The following TNFRSF1B variants were observed in gnomAD, a reference collection of about 807,000 sequenced individuals.
TNFRSF1B encodes the protein tumor necrosis factor receptor superfamily member 1B.
A neutral mutation model predicts 44.6 loss-of-function variants in TNFRSF1B; 19 were observed. That is an observed-to-expected ratio of 0.43 (90% CI 0.30 to 0.62). The LOEUF (loss-of-function observed/expected upper bound fraction) is 0.62. Among genes scored for constraint, TNFRSF1B ranks in the 20% least tolerant of loss-of-function variants. The pLI is 0.16. For missense variants in TNFRSF1B, 541 were observed against 619.9 expected (o/e 0.87, Z 1.35); for synonymous variants, 252 against 261.1 (o/e 0.97, Z 0.34).
At position 12,193,973 on chromosome 1, in the gene TNFRSF1B, C is replaced by T. The variant is rs1293937312; in HGVS notation, c.806C>T (p.Thr269Ile). 1.2e-6 allele frequency: 2 copies of T among 1,613,998 alleles called. No homozygotes were observed. Among genetic ancestry groups the T allele is most frequent in the Non-Finnish European group, 1.7e-6 (2 of 1,179,910 alleles). Reference sequence around the variant, plus strand: ...TTTCTAGGACTGATTGTGGGTGTGACAGCCTTGGGTCTACTAATAATAGGA... The same window carrying T: ...TTTCTAGGACTGATTGTGGGTGTGATAGCCTTGGGTCTACTAATAATAGGA... ...ALPVGLIVGVTALGLLIIGVV... is the reference protein window; with the variant it reads ...ALPVGLIVGVIALGLLIIGVV... The change falls in exon 7 of 10, where the codon ACA becomes ATA. Residue 269 changes from threonine to isoleucine, a missense_variant. By Grantham distance (89) the Thr-to-Ile change is moderately conservative (BLOSUM62 -1). Coordinates refer to ENST00000376259, the MANE Select transcript of TNFRSF1B (RefSeq NM_001066.3).
rs1327463571 is a variant in TNFRSF1B, at chr1:12,177,010, T to G, written c.78+9841T>G. The stretch of plus-strand genomic sequence containing the variant: ...CCCTGAGCCCAATGGACCGATTCTG[T>G]TTTTTTTTTGAGATGGAGTCTTGCT... On this transcript the variant is annotated intron_variant, in intron 1 of 9. Transcript: ENST00000376259. This position sits in a 1 kb window ranked among gnomAD's most constrained non-coding sequence, Gnocchi z 4.3. 9.4e-5 allele frequency among the ~76,000 whole-genome samples: 14 copies of G among 148,852 alleles called. No individual in the cohort carries two copies. The highest frequency in any genetic ancestry group is 6.0e-4 in the Admixed American group (9 of 14,958).
intron 9 of TNFRSF1B, among the ~76,000 whole-genome samples, chr1:12,203,429 C>A (rs533898232): frequency 6.6e-6 from 1 of 152,166 alleles, no homozygotes; most frequent in African/African-American, 2.4e-5. Flanking sequence ...CAGCTCACTG[C>A]GCCCCTGCCT....
intron 1 of TNFRSF1B, among the ~76,000 whole-genome samples, chr1:12,181,412 A>G (rs525283): frequency 0.048 from 7,304 of 152,120 alleles, 227 homozygotes; most frequent in African/African-American, 0.094. Flanking sequence ...GGACCTCCCC[A>G]GGGGCCTTTG....
intron 1 of TNFRSF1B, among the ~76,000 whole-genome samples, chr1:12,181,191 C>T (rs928791305): frequency 1.3e-5 from 2 of 152,196 alleles, no homozygotes; most frequent in Non-Finnish European, 2.9e-5. Flanking sequence ...TTTGCAAGGC[C>T]CACACGGGCC....
Position 12,177,212 on chromosome 1 carries a change from G to T in TNFRSF1B, c.78+10043G>T, listed in dbSNP as rs1638679330. Among the ~76,000 whole-genome samples the T allele has an allele frequency of 6.6e-6, 1 of 152,094 alleles. No individual in the cohort carries two copies. The highest frequency in any genetic ancestry group is 2.4e-5 in the African/African-American group (1 of 41,406). ...AGTAGAGATGGTGTTTCGCCATGTT[G>T]GCCCGGCTGGTCTTGAACTCCTGAC... On this transcript the variant is annotated intron_variant, in intron 1 of 9. Transcript: ENST00000376259. This position sits in a 1 kb window ranked among gnomAD's most constrained non-coding sequence, Gnocchi z 4.3.
rs1005463524 is a variant in TNFRSF1B, at chr1:12,171,366, A to G, written c.78+4197A>G. On this transcript the variant is annotated intron_variant, in intron 1 of 9. Transcript: ENST00000376259. The surrounding 1 kb of genome is among the most constrained non-coding windows in gnomAD (Gnocchi z 4.5). ...CTGTCCTCAGATGTGCTGCACACACACCTGCTCCAGGGCCTTTGCACTTGC... is the reference window on the plus strand; with the variant it reads ...CTGTCCTCAGATGTGCTGCACACACGCCTGCTCCAGGGCCTTTGCACTTGC... 1.3e-5 allele frequency among the ~76,000 whole-genome samples: 2 copies of G among 152,042 alleles called. No individual in the cohort carries two copies. Among genetic ancestry groups the G allele is most frequent in the Admixed American group, 1.3e-4 (2 of 15,258 alleles).
In TNFRSF1B at chr1:12,202,074, T is replaced by G; in HGVS notation, c.1008T>G (p.Ser336Arg). 1 of 1,597,666 alleles carries G rather than the reference T, an allele frequency of 6.3e-7. No individual in the cohort carries two copies. The highest frequency in any genetic ancestry group is 8.5e-7 in the Non-Finnish European group (1 of 1,172,986). ...GCAGCTCCCTGGAGAGCTCGGCCAGTGCGTTGGACAGAAGGGCGCCCACTC... is the reference window on the plus strand; with the variant it reads ...GCAGCTCCCTGGAGAGCTCGGCCAGGGCGTTGGACAGAAGGGCGCCCACTC... ...SSSSSLESSA[S>R]ALDRRAPTRN... Residue 336 changes from serine (S) to arginine (R), a missense_variant, in exon 9 of 10, where the codon AGT (serine) becomes AGG (arginine). By Grantham distance (110) the Ser-to-Arg change is moderately radical. Transcript: ENST00000376259.
chr1:12,188,591 A>T (rs1392523085), intron 1 of TNFRSF1B, among the ~76,000 whole-genome samples: 2 of 152,150 alleles, frequency 1.3e-5, no homozygotes, highest in Non-Finnish European at 2.9e-5. Flanking sequence ...ACTAGGGTAC[A>T]CTGAGGTGGG....
intron 8 of TNFRSF1B, among the ~76,000 whole-genome samples, chr1:12,198,607 G>A (rs942563184): frequency 6.6e-6 from 1 of 151,954 alleles, no homozygotes; most frequent in Non-Finnish European, 1.5e-5. Flanking sequence ...GCTCTGCTGG[G>A]TCTCTGCTTC....
Position 12,191,751 on chromosome 1 carries a change from T to C in TNFRSF1B, c.308-23T>C, listed in dbSNP as rs653667. On this transcript the variant is annotated intron_variant, in intron 3 of 9. Coordinates refer to ENST00000376259, the MANE Select transcript of TNFRSF1B (RefSeq NM_001066.3). ...GTGTGGCGGAGGCAGGCGTGACCGT[T>C]TGCCGCCCTCTCGCTGCTCTAGACC... 225 of 1,611,518 alleles carry C rather than the reference T, an allele frequency of 1.4e-4. 3 individuals carry two copies. The South Asian group carries it at 2.4e-3, about 17-fold the overall frequency.
At position 12,177,959 on chromosome 1, in the gene TNFRSF1B, A is replaced by G. The variant is rs1253787811; in HGVS notation, c.78+10790A>G. On this transcript the variant is annotated intron_variant, in intron 1 of 9. Transcript: ENST00000376259. This position sits in a 1 kb window ranked among gnomAD's most constrained non-coding sequence, Gnocchi z 4.3. ...CAGAAGAGGCCTTTGAAGCACAGAGATTAACTGACGTACTTAGGGTTTTGC... is the reference window on the plus strand; with the variant it reads ...CAGAAGAGGCCTTTGAAGCACAGAGGTTAACTGACGTACTTAGGGTTTTGC... 6.6e-6 allele frequency among the ~76,000 whole-genome samples: 1 copy of G among 152,174 alleles called. No individual in the cohort carries two copies. Among genetic ancestry groups the G allele is most frequent in the Non-Finnish European group, 1.5e-5 (1 of 68,032 alleles).
Position 12,167,089 on chromosome 1 carries a change from C to A in TNFRSF1B, c.-3C>A. ...AGGGGGCAACCGGACCCCGCCCGCA[C>A]CCATGGCGCCCGTCGCCGTCTGGGC... On this transcript the variant is annotated 5_prime_UTR_variant, in exon 1 of 10. Coordinates refer to ENST00000376259, the MANE Select transcript of TNFRSF1B (RefSeq NM_001066.3). The A allele has an allele frequency of 1.5e-6, 2 of 1,328,218 alleles. No homozygotes were observed. Among genetic ancestry groups the A allele is most frequent in the Non-Finnish European group, 1.9e-6 (2 of 1,036,616 alleles). 82.3% of individuals were successfully genotyped at this position (1,328,218 alleles called of 1,614,324 possible). A position where few individuals can be genotyped will look rare whatever the true frequency, so the allele number is the denominator to read the frequency against.
At chr1:12,181,874 C>T (rs1342458935) in intron 1 of TNFRSF1B, among the ~76,000 whole-genome samples, 2 of 152,226 alleles carry the variant, frequency 1.3e-5, no homozygotes, top group African/African-American at 2.4e-5. Context: ...CACACACCAC[C>T]CAGCACCCCT....
intron 1 of TNFRSF1B, among the ~76,000 whole-genome samples, chr1:12,188,547 G>T (rs1005951671): frequency 6.6e-6 from 1 of 152,198 alleles, no homozygotes; most frequent in Non-Finnish European, 1.5e-5. Flanking sequence ...ACTGGAGAAG[G>T]CCAGCAGAGT....
At chr1:12,188,626 A>C (rs983335857) in intron 1 of TNFRSF1B, among the ~76,000 whole-genome samples, 170 bp from the exon 2 acceptor site, 2 of 152,082 alleles carry the variant, frequency 1.3e-5, no homozygotes, top group African/African-American at 4.8e-5. Context: ...AAAAGAAGGC[A>C]CGAGCTCTCC....
chr1:12,192,896 C>T lies in TNFRSF1B; in HGVS notation c.585C>T (p.Ser195=), dbSNP rs906035722. ...CNVVAIPGNA[S]MDAVCTSTSP... is the part of the protein sequence containing the mutation. ...TGGTGGCCATCCCTGGGAATGCAAGCATGGATGCAGTCTGCACGTCCACGT... is the reference window on the plus strand; with the variant it reads ...TGGTGGCCATCCCTGGGAATGCAAGTATGGATGCAGTCTGCACGTCCACGT... Residue 195 remains serine, a synonymous_variant, in exon 6 of 10, where the codon AGC becomes AGT. Transcript: ENST00000376259. 10 of 1,614,046 alleles carry T rather than the reference C, an allele frequency of 6.2e-6. No individual in the cohort carries two copies. Among genetic ancestry groups the T allele is most frequent in the Non-Finnish European group, 7.6e-6 (9 of 1,180,018 alleles).
chr1:12,192,506 T>A lies in TNFRSF1B; in HGVS notation c.533T>A (p.Ile178Asn). The change falls in exon 5 of 10, where the codon ATT (isoleucine) becomes AAT (asparagine). Residue 178 changes from isoleucine (I) to asparagine (N), a missense_variant. By Grantham distance (149) the Ile-to-Asn change is moderately radical. Coordinates refer to ENST00000376259, the MANE Select transcript of TNFRSF1B (RefSeq NM_001066.3). ...TCCAACACGACTTCATCCACGGATA[T>A]TTGCAGGCCCCACCAGATGTGAGTA... ...TFSNTTSSTD[I>N]CRPHQICNVV... 1 of 1,614,088 alleles carries A rather than the reference T, an allele frequency of 6.2e-7. No individual in the cohort carries two copies. Among genetic ancestry groups the A allele is most frequent in the Non-Finnish European group, 8.5e-7 (1 of 1,179,986 alleles).
Position 12,205,526 on chromosome 1 carries a change from G to A in TNFRSF1B, c.1106-1214G>A, listed in dbSNP as rs543001083. ...GGGTGGGGTTGAAGCCAGGACAGATGGAGGCTGTTCACACCCATCCAGATG... is the reference window on the plus strand; with the variant it reads ...GGGTGGGGTTGAAGCCAGGACAGATAGAGGCTGTTCACACCCATCCAGATG... On this transcript the variant is annotated intron_variant, in intron 9 of 9. Coordinates refer to ENST00000376259, the MANE Select transcript of TNFRSF1B (RefSeq NM_001066.3). 2.8e-4 allele frequency among the ~76,000 whole-genome samples: 42 copies of A among 152,328 alleles called. 1 individual carries two copies. The South Asian group carries it at 2.9e-3, about 11-fold the overall frequency.
chr1:12,195,482 T>A (rs1639245709), intron 8 of TNFRSF1B, among the ~76,000 whole-genome samples: 1 of 152,192 alleles, frequency 6.6e-6, no homozygotes, highest in Non-Finnish European at 1.5e-5. Context: ...AAGATGGTAA[T>A]CATCACTTCA....
Sources: allele counts gnomAD v4.1 joint callset (sites outside exome capture counted in the v4.1 genomes callset), GRCh38; gene constraint gnomAD v4.1.1; non-coding constraint Gnocchi (gnomAD v3.1); transcripts MANE v1.5; gene names NCBI Gene and HGNC (gene_info 2026-07-23, HGNC 2026-07-21).